The following DLG2 variants were observed in gnomAD, a reference collection of about 807,000 sequenced individuals.
The protein encoded by DLG2 is disks large homolog 2.
Under a neutral mutation model 132.5 loss-of-function variants are expected in DLG2, and 45 were observed. That is an observed-to-expected ratio of 0.34 (90% CI 0.27 to 0.44). The LOEUF is 0.44. Among genes scored for constraint, DLG2 ranks in the 20% least tolerant of loss-of-function variants. The probability of loss-of-function intolerance (pLI) is 1.00; values close to 1 mark genes in which losing one functional copy is unlikely to be tolerated. For synonymous variants in DLG2, 424 were observed against 419.6 expected, an observed-to-expected ratio of 1.01 and a Z score of -0.13; for missense variants, 1,045 against 1,196.9, an observed-to-expected ratio of 0.87 and a Z score of 1.87.
chr11:84,269,934 T>C (rs542570531), intron 7 of DLG2, among the ~76,000 whole-genome samples: 1 of 152,338 alleles, frequency 6.6e-6, no homozygotes, highest in East Asian at 1.9e-4. Flanking sequence ...CAAAGAAGTT[T>C]TAAGTTTACT....
At chr11:85,232,357 C>G (rs1269822980) in intron 4 of DLG2, among the ~76,000 whole-genome samples, 1 of 151,780 alleles carries the variant, frequency 6.6e-6, no homozygotes, top group African/African-American at 2.4e-5. Context: ...AATTAGTCCA[C>G]TTCAGGTTAT....
chr11:85,335,241 C>CTT (rs34680409), intron 3 of DLG2, among the ~76,000 whole-genome samples: 1,976 of 148,188 alleles, frequency 0.013, 20 homozygotes, highest in South Asian at 0.043. Context: ...AGCATCTCTG[C>CTT]TTTTTTTTTT....
chr11:85,536,859 G>A (rs1020585054), intron 3 of DLG2, among the ~76,000 whole-genome samples: 4 of 152,280 alleles, frequency 2.6e-5, no homozygotes, highest in South Asian at 4.1e-4. Flanking sequence ...TGTCTGGGAC[G>A]AGCTCCCTCT....
intron 19 of DLG2, among the ~76,000 whole-genome samples, chr11:83,542,610 C>T (rs576993504): frequency 7.2e-5 from 11 of 152,156 alleles, no homozygotes; most frequent in Non-Finnish European, 1.5e-4. Context: ...GCTGCCCCCA[C>T]TAAAAAGCAT....
In DLG2 at chr11:85,177,511, G is replaced by A. The variant is rs1337213040; in HGVS notation, c.187-22860C>T. On this transcript the variant is annotated intron_variant, in intron 4 of 27. Transcript: ENST00000376104. Reference sequence around the variant, plus strand: ...CATGCAGGGGAACAACACACACTGGGGCCTTACAGTGGGTGGCAGAGTGAG... The same window carrying A: ...CATGCAGGGGAACAACACACACTGGAGCCTTACAGTGGGTGGCAGAGTGAG... Among the ~76,000 whole-genome samples the A allele has an allele frequency of 2.0e-5, 3 of 151,908 alleles. No individual in the cohort carries two copies. In the East Asian group the frequency reaches 5.8e-4, roughly 29 times the overall value.
intron 11 of DLG2, among the ~76,000 whole-genome samples, chr11:83,990,686 T>C (rs1328803641): frequency 6.6e-6 from 1 of 152,166 alleles, no homozygotes; most frequent in African/African-American, 2.4e-5. Flanking sequence ...TGTCTTATAA[T>C]CATTCAGTGA....
At chr11:84,417,884 A>G (rs1204018605) in intron 7 of DLG2, among the ~76,000 whole-genome samples, 2 of 152,164 alleles carry the variant, frequency 1.3e-5, no homozygotes, top group African/African-American at 2.4e-5. Flanking sequence ...GTACACTGTA[A>G]CACCTGGGAA....
chr11:84,772,808 A>C (rs1014090713), intron 6 of DLG2, among the ~76,000 whole-genome samples: 1 of 152,220 alleles, frequency 6.6e-6, no homozygotes, highest in Non-Finnish European at 1.5e-5. Context: ...CGGTAAGAGG[A>C]AAGTTTACAG....
chr11:85,516,518 A>C (rs577577491), intron 3 of DLG2, among the ~76,000 whole-genome samples: 1 of 152,096 alleles, frequency 6.6e-6, no homozygotes, highest in African/African-American at 2.4e-5. Flanking sequence ...TGTAAATGTA[A>C]ACAAAAGTGA....
rs187265599 is a variant in DLG2 at position 84,913,535 on chromosome 11, G to A, written c.357+198126C>T. On this transcript the variant is annotated intron_variant, in intron 6 of 27. Transcript: ENST00000376104. The stretch of plus-strand genomic sequence containing the variant: ...AATAAAAAAGCTTCCCTATTATGCA[G>A]CCACTTTAAAAAGAAGCCTATGAAT... Among the ~76,000 whole-genome samples the A allele has an allele frequency of 2.0e-5, 3 of 152,158 alleles. No homozygotes were observed. The East Asian group carries it at 5.8e-4, about 29-fold the overall frequency.
intron 7 of DLG2, among the ~76,000 whole-genome samples, chr11:84,488,942 T>C (rs929716362): frequency 6.6e-6 from 1 of 152,182 alleles, no homozygotes; most frequent in Non-Finnish European, 1.5e-5. Context: ...AGGTAAGGTA[T>C]ATTCACTGGA....
chr11:83,956,652 A>G (rs2086937159), intron 14 of DLG2, among the ~76,000 whole-genome samples: 2 of 152,272 alleles, frequency 1.3e-5, no homozygotes, highest in African/African-American at 4.8e-5. Flanking sequence ...TCCTGCATCA[A>G]AAGCATATAA....
In DLG2 at chr11:83,506,810, A is replaced by G. The variant is rs182094413; in HGVS notation, c.2194-22582T>C. 1.4e-3 allele frequency among the ~76,000 whole-genome samples: 208 copies of G among 152,264 alleles called. 1 individual carries two copies. Among genetic ancestry groups the G allele is most frequent in the African/African-American group, 4.7e-3 (196 of 41,546 alleles). On this transcript the variant is annotated intron_variant, in intron 21 of 27. Transcript: ENST00000376104. ...AGTTGCAGGGTCCCATTCTTTTCCA[A>G]TCAATGCCCTCACTTTAACCATAGA...
chr11:85,473,503 A>G (rs2093049637), intron 3 of DLG2, among the ~76,000 whole-genome samples: 1 of 152,184 alleles, frequency 6.6e-6, no homozygotes, highest in African/African-American at 2.4e-5. Context: ...ATGAAGAAAA[A>G]CATTGAACAT....
intron 9 of DLG2, among the ~76,000 whole-genome samples, chr11:84,112,115 C>T (rs933137702): frequency 6.6e-6 from 1 of 151,892 alleles, no homozygotes; most frequent in Non-Finnish European, 1.5e-5. Context: ...CGGGTTCATG[C>T]CATTCTCCTG....
intron 15 of DLG2, among the ~76,000 whole-genome samples, chr11:83,914,923 A>G (rs891018079): frequency 6.6e-6 from 1 of 152,246 alleles, no homozygotes; most frequent in Non-Finnish European, 1.5e-5. Context: ...GTGGGTGTGG[A>G]TGTGTTCCAC....
intron 4 of DLG2, among the ~76,000 whole-genome samples, chr11:85,176,568 T>C (rs2079262144): frequency 6.6e-6 from 1 of 151,994 alleles, no homozygotes. Context: ...GATTTCATAA[T>C]AAAAATGCCA....
At chr11:84,351,233 T>C (rs745738347) in intron 7 of DLG2, among the ~76,000 whole-genome samples, 1 of 152,174 alleles carries the variant, frequency 6.6e-6, no homozygotes, top group Non-Finnish European at 1.5e-5. Flanking sequence ...AAAGTTTTAA[T>C]TGACTTTTAG....
intron 17 of DLG2, among the ~76,000 whole-genome samples, chr11:83,808,267 A>G (rs1336583258): frequency 1.3e-5 from 2 of 152,144 alleles, no homozygotes; most frequent in African/African-American, 2.4e-5. Context: ...AATCTCCCAG[A>G]GCATTTTAAC....
Sources: allele counts gnomAD v4.1 joint callset (sites outside exome capture counted in the v4.1 genomes callset), GRCh38; gene constraint gnomAD v4.1.1; transcripts MANE v1.5; gene names NCBI Gene and HGNC (gene_info 2026-07-23, HGNC 2026-07-21).